MGAT4C: variants seen among roughly 807,000 people sequenced by gnomAD.
MGAT4C encodes MGAT4 family member C, also known as alpha-1,3-mannosyl-glycoprotein 4-beta-N-acetylglucosaminyltransferase C.
Under a neutral mutation model 40.1 loss-of-function variants are expected in MGAT4C, and 19 were observed. The ratio of observed to expected loss-of-function variants is 0.47; its 90% CI spans 0.33 to 0.70. The LOEUF is 0.70. Among genes scored for constraint, MGAT4C ranks in the 30% least tolerant of loss-of-function variants. The pLI is 0.02. For synonymous variants in MGAT4C, 181 were observed against 187.1 expected (o/e 0.97, Z 0.27); for missense variants, 491 against 563.2 (o/e 0.87, Z 1.30).
intron 2 of MGAT4C, among the ~76,000 whole-genome samples, chr12:86,581,352 C>T (rs1283275418): frequency 2.0e-5 from 3 of 151,450 alleles, no homozygotes; most frequent in Non-Finnish European, 4.4e-5. Context: ...AGCTCACTGG[C>T]AAGCCAGTTC....
At chr12:86,778,788 T>C (rs188696090) in intron 1 of MGAT4C, among the ~76,000 whole-genome samples, 18 of 152,284 alleles carry the variant, frequency 1.2e-4, no homozygotes, top group Non-Finnish European at 1.9e-4. Context: ...TTAGTTACTC[T>C]AGTTTTCCTG....
intron 1 of MGAT4C, among the ~76,000 whole-genome samples, chr12:86,238,974 T>C (rs1471221891): frequency 1.3e-5 from 2 of 152,110 alleles, no homozygotes; most frequent in East Asian, 1.9e-4. Context: ...CTAAGACTCA[T>C]GTTTTAACAT....
chr12:86,661,708 G>A (rs1482820907), intron 2 of MGAT4C, among the ~76,000 whole-genome samples: 1 of 152,116 alleles, frequency 6.6e-6, no homozygotes, highest in African/African-American at 2.4e-5. Context: ...CACTTTGAGA[G>A]GCTGAGGTTG....
In MGAT4C at chr12:86,115,887, T is replaced by G. The variant is rs150587214; in HGVS notation, c.-56-66164A>C. Among the ~76,000 whole-genome samples, 809 of 152,146 alleles carry G rather than the reference T, an allele frequency of 5.3e-3. 7 individuals are homozygous for G. The highest frequency in any genetic ancestry group is 0.019 in the African/African-American group (771 of 41,534). ...ATCCTGAATTGATTAAGGTCCACCA[T>G]GATCTCATTTTAACTTAATTGCTTC... On this transcript the variant is annotated intron_variant, in intron 1 of 4. Coordinates refer to ENST00000611864, the MANE Select transcript of MGAT4C (RefSeq NM_001351288.2).
intron 2 of MGAT4C, among the ~76,000 whole-genome samples, chr12:86,533,605 T>G (rs1360056465): frequency 6.6e-6 from 1 of 151,646 alleles, no homozygotes; most frequent in Non-Finnish European, 1.5e-5. Flanking sequence ...TTATAATTAT[T>G]TATACACACT....
rs1027040881 is a variant in MGAT4C, at chr12:85,977,429, A to G, written c.*1860T>C. On this transcript the variant is annotated 3_prime_UTR_variant, in exon 5 of 5. Transcript: ENST00000611864. The stretch of plus-strand genomic sequence containing the variant: ...TTAGGTGTCTGGCAAGTATCCTCTA[A>G]ATCAAGGTAAAGATAATAATTTAGT... 1 of 151,458 alleles carries G rather than the reference A, an allele frequency of 6.6e-6. No homozygotes were observed. The highest frequency in any genetic ancestry group is 2.4e-5 in the African/African-American group (1 of 41,378). 9.4% of individuals were successfully genotyped at this position (151,458 alleles called of 1,614,324 possible). A position where few individuals can be genotyped will look rare whatever the true frequency, so the allele number is the denominator to read the frequency against.
chr12:86,258,673 G>C (rs1952592920), upstream of MGAT4C, among the ~76,000 whole-genome samples: 1 of 151,990 alleles, frequency 6.6e-6, no homozygotes, highest in Non-Finnish European at 1.5e-5. Context: ...ATATGTCAGT[G>C]AGATTTTTTA....
chr12:86,258,648 G>T (rs1386978646), upstream of MGAT4C, among the ~76,000 whole-genome samples: 1 of 151,916 alleles, frequency 6.6e-6, no homozygotes, highest in Non-Finnish European at 1.5e-5. Context: ...AAGAAAGCTG[G>T]TTTTTGTTAT....
At chr12:86,344,717 G>GGTGTGTGTGTGTGTGTGTGTGTGTGTGT (rs71076188) in intron 3 of MGAT4C, among the ~76,000 whole-genome samples, 2 of 139,412 alleles carry the variant, frequency 1.4e-5, no homozygotes, top group African/African-American at 5.3e-5. Flanking sequence ...ATCTCTTCTC[G>GGTGTGTGTGTGTGTGTGTGTGTGTGTGT]GTGTGTGTGT....
chr12:86,243,617 C>A (rs1951883024), intron 1 of MGAT4C, among the ~76,000 whole-genome samples: 1 of 152,174 alleles, frequency 6.6e-6, no homozygotes, highest in African/African-American at 2.4e-5. Flanking sequence ...TGGCAAGGAA[C>A]TAAGGCGGCC....
intron 4 of MGAT4C, among the ~76,000 whole-genome samples, chr12:86,265,917 C>A (rs1952773258): frequency 6.6e-6 from 1 of 152,060 alleles, no homozygotes; most frequent in Non-Finnish European, 1.5e-5. Context: ...AATGAGATTA[C>A]CTTCTTGATT....
chr12:86,629,831 A>G (rs1962968622), intron 2 of MGAT4C, among the ~76,000 whole-genome samples: 1 of 152,202 alleles, frequency 6.6e-6, no homozygotes, highest in Non-Finnish European at 1.5e-5. Flanking sequence ...CCCTAACATC[A>G]CAATTAAAAG....
intron 2 of MGAT4C, among the ~76,000 whole-genome samples, chr12:86,036,526 G>T (rs906534691): frequency 6.7e-6 from 1 of 149,954 alleles, no homozygotes; most frequent in African/African-American, 2.4e-5. Context: ...GAGTTTTGAT[G>T]AAGGCTTTTC....
chr12:86,297,954 G>T (rs1953719463), intron 4 of MGAT4C, among the ~76,000 whole-genome samples: 1 of 152,050 alleles, frequency 6.6e-6, no homozygotes, highest in Non-Finnish European at 1.5e-5. Flanking sequence ...GGGAAAAAAT[G>T]ATTTACTATG....
At chr12:86,691,708 A>G (rs1233984582) in intron 2 of MGAT4C, among the ~76,000 whole-genome samples, 1 of 152,164 alleles carries the variant, frequency 6.6e-6, no homozygotes, top group Non-Finnish European at 1.5e-5. Context: ...ACATATTTAT[A>G]TCTGGCATTC....
At chr12:86,767,576 G>A (rs141880417) in intron 1 of MGAT4C, among the ~76,000 whole-genome samples, 1 of 151,880 alleles carries the variant, frequency 6.6e-6, no homozygotes, top group African/African-American at 2.4e-5. Flanking sequence ...AAGAGAATTT[G>A]AGACCAATAT....
At chr12:85,996,519 A>G (rs1267973835) in intron 2 of MGAT4C, among the ~76,000 whole-genome samples, 1 of 152,190 alleles carries the variant, frequency 6.6e-6, no homozygotes, top group Non-Finnish European at 1.5e-5. Flanking sequence ...TTTCTTCGGC[A>G]ACAATAGACA....
rs146612556 is a variant in MGAT4C, at chr12:86,518,657, T to C, written c.-228-83392A>G. Among the ~76,000 whole-genome samples, 477 of 152,302 alleles carry C rather than the reference T, an allele frequency of 3.1e-3. 2 individuals are homozygous for C. Among genetic ancestry groups the C allele is most frequent in the African/African-American group, 0.011 (438 of 41,574 alleles). Reference sequence around the variant, plus strand: ...TAGAAAGTTTAACATATGCTTATAGTATGGCTCATCCTACCCATTCCTAGG... The same window carrying C: ...TAGAAAGTTTAACATATGCTTATAGCATGGCTCATCCTACCCATTCCTAGG... On this transcript the variant is annotated intron_variant, in intron 2 of 7. Transcript: ENST00000548651.
intron 2 of MGAT4C, among the ~76,000 whole-genome samples, chr12:86,696,645 G>T (rs890222314): frequency 6.6e-6 from 1 of 152,088 alleles, no homozygotes; most frequent in African/African-American, 2.4e-5. Context: ...TTTAGTTTTT[G>T]CATTAATCTT....
Sources: allele counts gnomAD v4.1 joint callset (sites outside exome capture counted in the v4.1 genomes callset), GRCh38; gene constraint gnomAD v4.1.1; transcripts MANE v1.5; gene names NCBI Gene and HGNC (gene_info 2026-07-23, HGNC 2026-07-21).